Variants in ADK observed in about 807,000 individuals in gnomAD.
ADK encodes the protein N6,N6-dimethyladenosine kinase.
In ADK, 24 loss-of-function variants were observed where a neutral mutation model predicts 44.7. The ratio of observed to expected loss-of-function variants is 0.54; its 90% CI spans 0.39 to 0.76. The LOEUF (loss-of-function observed/expected upper bound fraction) is 0.76, where lower values mean the gene tolerates loss of function less well. Ranked by LOEUF, ADK falls within the 30% of genes least tolerant of loss-of-function variation. The pLI is 0.00. For missense variants in ADK, 321 were observed against 425.1 expected (o/e 0.76, Z 2.15); for synonymous variants, 128 against 142.6 (o/e 0.90, Z 0.73).
At chr10:74,204,060 G>T (rs1473679997) in intron 2 of ADK, among the ~76,000 whole-genome samples, 1 of 148,876 alleles carries the variant, frequency 6.7e-6, no homozygotes, top group African/African-American at 2.5e-5. Flanking sequence ...GGGTTGAAGC[G>T]ATTCTACTGC....
intron 6 of ADK, among the ~76,000 whole-genome samples, chr10:74,405,165 T>C (rs1029062648): frequency 6.6e-6 from 1 of 152,138 alleles, no homozygotes; most frequent in African/African-American, 2.4e-5. Context: ...TCTCATCAAA[T>C]AAATAAAGCT....
chr10:74,344,665 ACAGGCTGGTCTCTT>A (rs1841701456), intron 4 of ADK: 1 of 184,628 alleles, frequency 5.4e-6, no homozygotes, highest in South Asian at 1.1e-4. Flanking sequence ...AGTGTTCTGA[ACAGGCTGGTCTCTT>A]CAGGTTTTAC....
At chr10:74,509,874 G>A (rs1848236559) in intron 6 of ADK, among the ~76,000 whole-genome samples, 1 of 151,938 alleles carries the variant, frequency 6.6e-6, no homozygotes, top group Non-Finnish European at 1.5e-5. Context: ...TTAACATAAT[G>A]TCCTCCAGTT....
At chr10:74,532,721 C>T (rs1400030082) in intron 7 of ADK, among the ~76,000 whole-genome samples, 1 of 151,414 alleles carries the variant, frequency 6.6e-6, no homozygotes, top group Non-Finnish European at 1.5e-5. Context: ...GCCAACATGG[C>T]AAAACCGCGT....
chr10:74,488,499 A>C (rs1003908623), intron 6 of ADK, among the ~76,000 whole-genome samples: 1 of 150,900 alleles, frequency 6.6e-6, no homozygotes, highest in Admixed American at 6.7e-5. Context: ...TGGTTTCAAG[A>C]TGAAATTTGA....
rs1853517316 is a variant in ADK, at chr10:74,633,653, C to G, written c.877+33160C>G. Among the ~76,000 whole-genome samples, 4 of 152,240 alleles carry G rather than the reference C, an allele frequency of 2.6e-5. No homozygotes were observed. In the South Asian group the frequency reaches 8.3e-4, roughly 32 times the overall value. ...TAGGAATAGCTCATGTCAGAACAGCCCTTCTTCAGGTAGCAATTATAACTC... is the reference window on the plus strand; with the variant it reads ...TAGGAATAGCTCATGTCAGAACAGCGCTTCTTCAGGTAGCAATTATAACTC... On this transcript the variant is annotated intron_variant, in intron 9 of 10. Coordinates refer to ENST00000539909, the MANE Select transcript of ADK (RefSeq NM_006721.4).
At chr10:74,465,807 T>C (rs1321379863) in intron 6 of ADK, among the ~76,000 whole-genome samples, 1 of 152,106 alleles carries the variant, frequency 6.6e-6, no homozygotes, top group East Asian at 1.9e-4. Flanking sequence ...ATGGGGAAAG[T>C]CTTGGTCTCA....
At chr10:74,379,193 C>T (rs1842909096) in intron 4 of ADK, among the ~76,000 whole-genome samples, 1 of 152,002 alleles carries the variant, frequency 6.6e-6, no homozygotes, top group Admixed American at 6.5e-5. Flanking sequence ...GCTCTATGTG[C>T]GTGGAGTCAA....
chr10:74,373,919 G>A (rs77827162), intron 4 of ADK, among the ~76,000 whole-genome samples: 2,239 of 152,110 alleles, frequency 0.015, 56 homozygotes, highest in African/African-American at 0.051. Flanking sequence ...ACAAAATTTG[G>A]AATATCCATG....
At chr10:74,270,981 G>A (rs11000945) in intron 3 of ADK, among the ~76,000 whole-genome samples, 19,506 of 152,138 alleles carry the variant, frequency 0.13, 1,307 homozygotes, top group Middle Eastern at 0.17. Flanking sequence ...AATTTTTAGT[G>A]TAGACAAAAC....
At chr10:74,515,859 A>G (rs1848548310) in intron 6 of ADK, among the ~76,000 whole-genome samples, 1 of 152,080 alleles carries the variant, frequency 6.6e-6, no homozygotes. Context: ...GCTGTGCAAG[A>G]CCAGAATAAC....
rs146369237 is a variant in ADK at position 74,193,510 on chromosome 10, C to T, written c.66-7254C>T. Among the ~76,000 whole-genome samples, 937 of 152,182 alleles carry T rather than the reference C, an allele frequency of 6.2e-3. 7 individuals are homozygous for T. The highest frequency in any genetic ancestry group is 0.027 in the Middle Eastern group (8 of 294). The stretch of plus-strand genomic sequence containing the variant: ...TTATAAAAGTGTATCTTGTGCTAGG[C>T]ATGCTGGCTCATGCCTGTAATCCTA... On this transcript the variant is annotated intron_variant, in intron 1 of 10. Coordinates refer to ENST00000539909, the MANE Select transcript of ADK (RefSeq NM_006721.4).
chr10:74,640,187 G>C (rs935302743), intron 9 of ADK, among the ~76,000 whole-genome samples: 47 of 152,212 alleles, frequency 3.1e-4, no homozygotes, highest in African/African-American at 1.1e-3. Flanking sequence ...CTCTGAGCTA[G>C]ATCGGTAGCA....
chr10:74,218,077 C>T (rs1286032948), intron 2 of ADK, among the ~76,000 whole-genome samples: 5 of 151,970 alleles, frequency 3.3e-5, no homozygotes, highest in East Asian at 1.9e-4. Flanking sequence ...CTACGAGCTA[C>T]GGGAGGAAAT....
chr10:74,700,433 G>C (rs149995861), intron 10 of ADK, among the ~76,000 whole-genome samples: 3,423 of 152,260 alleles, frequency 0.022, 73 homozygotes, highest in Non-Finnish European at 0.038. Flanking sequence ...AGTAGAGACA[G>C]GATTTCACCA....
intron 6 of ADK, among the ~76,000 whole-genome samples, chr10:74,439,120 A>AC (rs1845300780): frequency 1.3e-5 from 2 of 152,318 alleles, no homozygotes; most frequent in African/African-American, 4.8e-5. Flanking sequence ...TTTAGCTTTC[A>AC]CTGGGAAGAC....
At chr10:74,550,482 A>C (rs1849993723) in intron 7 of ADK, among the ~76,000 whole-genome samples, 1 of 152,040 alleles carries the variant, frequency 6.6e-6, no homozygotes, top group Non-Finnish European at 1.5e-5. Context: ...ACTTGCCCAG[A>C]TTATTACAGT....
intron 9 of ADK, among the ~76,000 whole-genome samples, chr10:74,620,002 G>T (rs1019326201): frequency 3.9e-5 from 6 of 152,122 alleles, no homozygotes; most frequent in African/African-American, 1.4e-4. Flanking sequence ...GATTATGGGC[G>T]TGAGCCACAA....
At chr10:74,302,257 T>C (rs1840084077) in intron 3 of ADK, among the ~76,000 whole-genome samples, 1 of 150,330 alleles carries the variant, frequency 6.7e-6, no homozygotes, top group African/African-American at 2.4e-5. Context: ...GCCTCCTGAG[T>C]AGTTACAGGT....
Sources: gnomAD v4.1 joint callset for allele counts (sites outside exome capture counted in the v4.1 genomes callset) on GRCh38, gnomAD v4.1.1 for gene constraint, MANE v1.5 for transcripts, NCBI Gene and HGNC (gene_info 2026-07-23, HGNC 2026-07-21) for gene names.